The following DGKZ variants were observed in gnomAD, a reference collection of about 807,000 sequenced individuals.
DGKZ encodes DAG kinase zeta.
In DGKZ, 45 loss-of-function variants were observed where a neutral mutation model predicts 142.5. That is an observed-to-expected ratio of 0.32 (90% CI 0.25 to 0.40). The LOEUF is 0.40. Among genes scored for constraint, DGKZ ranks in the 10% least tolerant of loss-of-function variants. The pLI is 1.00. For missense variants in DGKZ, 755 were observed against 1,306.5 expected (o/e 0.58, Z 6.51); for synonymous variants, 442 against 527.0 (o/e 0.84, Z 2.21).
rs754859265 is a variant in DGKZ at position 46,371,212 on chromosome 11, C to G, written c.571-101C>G. 2.6e-6 allele frequency: 3 copies of G among 1,152,318 alleles called. No homozygotes were observed. The East Asian group carries it at 7.1e-5, about 27-fold the overall frequency. 71.4% of individuals were successfully genotyped at this position (1,152,318 alleles called of 1,614,324 possible). A position where few individuals can be genotyped will look rare whatever the true frequency, so the allele number is the denominator to read the frequency against. The stretch of plus-strand genomic sequence containing the variant: ...TTTGAGACCAGCCTGGGCAACATAG[C>G]GAGGCCCTGTCTCTGGGTGGAGAGA... On this transcript the variant is annotated intron_variant, in intron 6 of 30. Coordinates refer to ENST00000527911, the Ensembl canonical transcript of DGKZ.
intron 1 of DGKZ, among the ~76,000 whole-genome samples, chr11:46,359,979 T>C (rs184715141): frequency 6.6e-5 from 10 of 152,308 alleles, no homozygotes; most frequent in Admixed American, 2.6e-4. Flanking sequence ...TGTCATATTT[T>C]GGTGTAGTAG....
rs1055225105 is a variant in DGKZ, at chr11:46,347,551, C to G, written c.-109C>G. ...CGCGGCGCGGGGCGGGCGGAGCGAGCGCGCGCCATGGAGGTGGCGGGCGGC... is the reference window on the plus strand; with the variant it reads ...CGCGGCGCGGGGCGGGCGGAGCGAGGGCGCGCCATGGAGGTGGCGGGCGGC... On this transcript the variant is annotated 5_prime_UTR_variant, in exon 1 of 31. Transcript: ENST00000527911. The surrounding 1 kb of genome is among the most constrained non-coding windows in gnomAD (Gnocchi z 6.4). 5 of 993,100 alleles carry G rather than the reference C, an allele frequency of 5.0e-6. No homozygotes were observed. The African/African-American group carries it at 5.3e-5, about 11-fold the overall frequency. 61.5% of individuals were successfully genotyped at this position (993,100 alleles called of 1,614,324 possible).
chr11:46,373,391 A>G (rs1590610134), intron 14 of DGKZ, among the ~76,000 whole-genome samples: 1 of 147,028 alleles, frequency 6.8e-6, no homozygotes, highest in South Asian at 2.1e-4. Flanking sequence ...GGTTCAAGCG[A>G]TTCTCCTGCC....
At chr11:46,373,472 C>CT (rs201577940) in intron 14 of DGKZ, among the ~76,000 whole-genome samples, 82 of 136,986 alleles carry the variant, frequency 6.0e-4, no homozygotes, top group African/African-American at 1.7e-3. Flanking sequence ...TTTCTGTTTT[C>CT]TTTTTTTTTT....
upstream of DGKZ, chr11:46,345,213 T>A: frequency 7.7e-7 from 1 of 1,293,094 alleles, no homozygotes; most frequent in Non-Finnish European, 9.8e-7. This position sits in a 1 kb window ranked among gnomAD's most constrained non-coding sequence, Gnocchi z 4.1. Context: ...TCCTGGCTGC[T>A]GGTCTGGGCT....
intron 1 of DGKZ, among the ~76,000 whole-genome samples, chr11:46,339,685 C>G (rs1445237780): frequency 1.3e-5 from 2 of 152,256 alleles, no homozygotes; most frequent in Non-Finnish European, 2.9e-5. Context: ...TGGAGGGAAC[C>G]TGGGAAGGCC....
intron 1 of DGKZ, among the ~76,000 whole-genome samples, chr11:46,339,269 T>C (rs1429749935): frequency 6.6e-6 from 1 of 152,214 alleles, no homozygotes; most frequent in Non-Finnish European, 1.5e-5. Context: ...TGGGGCCGAT[T>C]TGTAATTTAA....
rs553804816 is a variant in DGKZ, at chr11:46,355,067, C to T, written c.161+7247C>T. Among the ~76,000 whole-genome samples the T allele has an allele frequency of 2.0e-5, 3 of 152,242 alleles. No homozygotes were observed. The East Asian group carries it at 5.8e-4, about 29-fold the overall frequency. ...AGACAGATGTTGCCAAATTGTGCTC[C>T]GAAGTAGTTGTCCTAATTTTTAGGC... On this transcript the variant is annotated intron_variant, in intron 1 of 30. Transcript: ENST00000527911.
At chr11:46,341,950 C>T (rs1037127057) in intron 1 of DGKZ, among the ~76,000 whole-genome samples, 13 of 152,104 alleles carry the variant, frequency 8.5e-5, no homozygotes, top group African/African-American at 2.7e-4. Context: ...CGTAAGGAGC[C>T]GCGAAGGTCA....
chr11:46,376,752 G>A (rs1944592389), intron 24 of DGKZ, 188 bp downstream of exon 24: 7 of 823,548 alleles, frequency 8.5e-6, no homozygotes, highest in Non-Finnish European at 1.1e-5. Flanking sequence ...AGTATAGGGC[G>A]GTGCCAGCCA....
intron 19 of DGKZ, 63 bp from the exon 20 acceptor site, chr11:46,375,369 G>A (rs1944418612): frequency 6.7e-7 from 1 of 1,491,820 alleles, no homozygotes; most frequent in East Asian, 2.5e-5. Flanking sequence ...GGAAGGAGCA[G>A]AGTCTGGGAC....
chr11:46,379,041 G>T, exon 28 of DGKZ: 1 of 1,595,174 alleles, frequency 6.3e-7, no homozygotes. Context: ...GAGACGAGCA[G>T]AGTCGCACGC....
At chr11:46,352,425 C>G (rs75963791) in intron 1 of DGKZ, among the ~76,000 whole-genome samples, 1 of 152,340 alleles carries the variant, frequency 6.6e-6, no homozygotes, top group East Asian at 1.9e-4. Context: ...AGCTGCCGGG[C>G]GGAGCCAATC....
chr11:46,379,441 G>A (rs1478326340), intron 29 of DGKZ, 28 bp from the exon 30 acceptor site: 2 of 1,600,112 alleles, frequency 1.2e-6, no homozygotes, highest in Admixed American at 1.7e-5. Flanking sequence ...GACGGGATGG[G>A]GTACACAGCC....
At position 46,376,617 on chromosome 11, in the gene DGKZ, G is replaced by A. The variant is rs1484351065; in HGVS notation, c.2202+53G>A. 11 of 1,609,502 alleles carry A rather than the reference G, an allele frequency of 6.8e-6. 1 individual carries two copies. The highest frequency in any genetic ancestry group is 3.3e-4 in the Middle Eastern group (2 of 6,056). ...ACAGCTGCTTCCGGGCCCCAGGGTC[G>A]CCTCTCCTGGGACGCCTTCCCTGTT... On this transcript the variant is annotated intron_variant, in intron 24 of 30. Transcript: ENST00000527911.
chr11:46,379,272 C>T (rs369357982), intron 29 of DGKZ, 36 bp downstream of exon 29: 213 of 1,612,222 alleles, frequency 1.3e-4, no homozygotes, highest in Non-Finnish European at 1.5e-4. Context: ...GTGGTCACCC[C>T]GGAAACCACC....
intron 1 of DGKZ, among the ~76,000 whole-genome samples, chr11:46,352,838 A>G (rs1161624831): frequency 6.6e-6 from 1 of 152,184 alleles, no homozygotes; most frequent in Non-Finnish European, 1.5e-5. Flanking sequence ...GGTCAGCCCC[A>G]CATCCAGCCT....
At chr11:46,365,357 T>C (rs1348498765) in intron 1 of DGKZ, 1 of 985,322 alleles carries the variant, frequency 1.0e-6, no homozygotes, top group Non-Finnish European at 1.2e-6. Flanking sequence ...ATCCGTACTT[T>C]GTCCCTTCAG....
At position 46,371,468 on chromosome 11, in the gene DGKZ, G is replaced by A. The variant is rs753313603; in HGVS notation, c.643-19G>A. 43 of 1,599,718 alleles carry A rather than the reference G, an allele frequency of 2.7e-5. No individual in the cohort carries two copies. Among genetic ancestry groups the A allele is most frequent in the South Asian group, 1.1e-4 (10 of 88,906 alleles). ...GTCTGAACACGGTCCCGCTGAGCCC[G>A]GCCCCTCGCTCTCCTCAGTACCACA... On this transcript the variant is annotated intron_variant, in intron 7 of 30. Transcript: ENST00000527911.
Sources: allele counts gnomAD v4.1 joint callset (sites outside exome capture counted in the v4.1 genomes callset), GRCh38; gene constraint gnomAD v4.1.1; non-coding constraint Gnocchi (gnomAD v3.1); transcripts MANE v1.5; gene names NCBI Gene and HGNC (gene_info 2026-07-23, HGNC 2026-07-21).